Variants in GXYLT2 observed in about 807,000 individuals in gnomAD.
GXYLT2 encodes glycosyltransferase 8 domain containing 4.
Under a neutral mutation model 45.8 loss-of-function variants are expected in GXYLT2, and 53 were observed. The observed-to-expected ratio is 1.16, with a 90% CI of 0.93 to 1.46. GXYLT2 has a LOEUF of 1.46. GXYLT2 is among the 40% of genes most tolerant of loss of function. The probability of loss-of-function intolerance (pLI) is 0.00; values close to 1 mark genes in which losing one functional copy is unlikely to be tolerated. For missense variants in GXYLT2, 551 were observed against 544.4 expected, an observed-to-expected ratio of 1.01 and a Z score of -0.12; for synonymous variants, 219 against 214.2, an observed-to-expected ratio of 1.02 and a Z score of -0.19.
At chr3:72,965,455 T>A (rs1291179865) in intron 5 of GXYLT2, among the ~76,000 whole-genome samples, 1 of 152,198 alleles carries the variant, frequency 6.6e-6, no homozygotes, top group African/African-American at 2.4e-5. Context: ...TTGTGCTCTC[T>A]CACAGGGTCT....
At chr3:72,950,393 A>G (rs13059643) in intron 3 of GXYLT2, among the ~76,000 whole-genome samples, 35,439 of 151,984 alleles carry the variant, frequency 0.23, 4,737 homozygotes, top group South Asian at 0.38. Context: ...CCCAGGAGGC[A>G]GAGGTTGCAG....
chr3:72,949,614 C>T lies in GXYLT2; in HGVS notation c.601-5484C>T, dbSNP rs940936334. Among the ~76,000 whole-genome samples the T allele has an allele frequency of 5.0e-5, 7 of 139,890 alleles. No individual in the cohort carries two copies. The South Asian group carries it at 1.2e-3, about 24-fold the overall frequency. 91.8% of individuals were successfully genotyped at this position (139,890 alleles called of 152,430 possible). ...GCAACCTCCGCCTCCCGGGTTCAGG[C>T]GATTCTCCTGCCTCAGCCTCCGGAG... On this transcript the variant is annotated intron_variant, in intron 3 of 6. Transcript: ENST00000389617.
intron 2 of GXYLT2, among the ~76,000 whole-genome samples, chr3:72,912,175 A>G (rs866226596): frequency 4.0e-5 from 6 of 151,450 alleles, no homozygotes; most frequent in African/African-American, 1.5e-4. Flanking sequence ...ACGCCCGGCT[A>G]ATTTTTGTAT....
chr3:72,975,149 A>ATG lies in GXYLT2; in HGVS notation c.1322_1323insTG (p.Gln441HisfsTer14). On this transcript the variant is annotated frameshift_variant, in exon 7 of 7. Coordinates refer to ENST00000389617, the MANE Select transcript of GXYLT2 (RefSeq NM_001080393.2). LOFTEE classifies it high-confidence loss of function. ...GTCATCATCCATGTTGGCCCCAACC[A>ATG]GATGCACTGAATATTTTGTCTTGTT... 6.2e-7 allele frequency: 1 copy of ATG among 1,611,144 alleles called. No homozygotes were observed. The highest frequency in any genetic ancestry group is 1.1e-5 in the South Asian group (1 of 90,696).
chr3:72,908,842 ATCC>A (rs1447893558), intron 2 of GXYLT2, among the ~76,000 whole-genome samples: 3 of 152,022 alleles, frequency 2.0e-5, no homozygotes, highest in African/African-American at 7.2e-5. Flanking sequence ...GGCTCAAGTG[ATCC>A]TCCCGCCTTA....
In GXYLT2 at chr3:72,955,305, G is replaced by A. The variant is rs1368142107; in HGVS notation, c.808G>A (p.Val270Ile). 4 of 1,613,936 alleles carry A rather than the reference G, an allele frequency of 2.5e-6. No individual in the cohort carries two copies. In the Admixed American group the frequency reaches 6.7e-5, roughly 27 times the overall value. ...TGGCTCTGCAGGAGTTAATTCAGGA[G>A]TCATGTTAATGAATTTAACTCGGAT... ...FYGSAGVNSG[V>I]MLMNLTRIRS... is the part of the protein sequence containing the mutation. The change falls in exon 4 of 7, where the codon GTC becomes ATC. Residue 270 changes from valine (V) to isoleucine (I), a missense_variant. Coordinates refer to ENST00000389617, the MANE Select transcript of GXYLT2 (RefSeq NM_001080393.2).
chr3:72,904,407 A>G (rs1709465640), intron 1 of GXYLT2, among the ~76,000 whole-genome samples: 1 of 152,220 alleles, frequency 6.6e-6, no homozygotes, highest in African/African-American at 2.4e-5. Context: ...TTTTTCATGT[A>G]ATGTGAGAAG....
intron 3 of GXYLT2, among the ~76,000 whole-genome samples, chr3:72,941,230 C>T (rs1303918411): frequency 2.0e-5 from 3 of 152,182 alleles, no homozygotes; most frequent in African/African-American, 7.2e-5. Flanking sequence ...GTTTACTCAT[C>T]TCCCTGCTAC....
intron 1 of GXYLT2, among the ~76,000 whole-genome samples, chr3:72,900,998 C>A (rs1575776972): frequency 6.6e-6 from 1 of 151,188 alleles, no homozygotes; most frequent in Non-Finnish European, 1.5e-5. Context: ...ACTAAAAATA[C>A]AAAAAATTGG....
At chr3:72,914,795 C>T (rs2107090107) in intron 2 of GXYLT2, among the ~76,000 whole-genome samples, 2 of 152,240 alleles carry the variant, frequency 1.3e-5, no homozygotes, top group South Asian at 4.1e-4. Flanking sequence ...CTGTCTCAAG[C>T]TGGATCAGGG....
At chr3:72,927,855 A>C (rs188716394) in intron 3 of GXYLT2, among the ~76,000 whole-genome samples, 2 of 152,330 alleles carry the variant, frequency 1.3e-5, no homozygotes, top group Admixed American at 1.3e-4. Context: ...ACACTATTAA[A>C]AGTTTGACAT....
At chr3:72,888,744 G>A (rs936652277) in intron 1 of GXYLT2, among the ~76,000 whole-genome samples, 2 of 152,154 alleles carry the variant, frequency 1.3e-5, no homozygotes, top group East Asian at 3.9e-4. Context: ...AAGTGGTTTC[G>A]TACATTACAT....
intron 6 of GXYLT2, among the ~76,000 whole-genome samples, chr3:72,970,671 C>T (rs13065069): frequency 0.075 from 11,355 of 151,958 alleles, 457 homozygotes; most frequent in South Asian, 0.11. Context: ...ACCAGCCTGA[C>T]CAACATGGAG....
At chr3:72,946,710 T>C (rs1710418529) in intron 3 of GXYLT2, among the ~76,000 whole-genome samples, 1 of 152,234 alleles carries the variant, frequency 6.6e-6, no homozygotes, top group Non-Finnish European at 1.5e-5. Flanking sequence ...ACTCTACCTC[T>C]TAATACCATC....
chr3:72,937,036 A>G (rs1158271219), intron 3 of GXYLT2, among the ~76,000 whole-genome samples: 2 of 152,156 alleles, frequency 1.3e-5, no homozygotes, highest in African/African-American at 4.8e-5. Flanking sequence ...ATGGTGGAGG[A>G]CATAGAGGAA....
intron 1 of GXYLT2, among the ~76,000 whole-genome samples, chr3:72,906,436 C>T (rs1007455876): frequency 1.3e-5 from 2 of 152,138 alleles, no homozygotes; most frequent in African/African-American, 4.8e-5. Flanking sequence ...GCCAGCCACT[C>T]CTGGCACCCC....
chr3:72,893,200 G>T (rs1300352345), intron 1 of GXYLT2, among the ~76,000 whole-genome samples: 1 of 152,114 alleles, frequency 6.6e-6, no homozygotes, highest in African/African-American at 2.4e-5. Context: ...TGTGGCCTTT[G>T]AGCCCTTGCC....
At chr3:72,952,704 C>A (rs1318844383) in intron 3 of GXYLT2, among the ~76,000 whole-genome samples, 1 of 152,052 alleles carries the variant, frequency 6.6e-6, no homozygotes, top group Non-Finnish European at 1.5e-5. Flanking sequence ...CTCCCTCTGT[C>A]CTCACATGGC....
At chr3:72,892,626 A>C (rs1269908261) in intron 1 of GXYLT2, among the ~76,000 whole-genome samples, 1 of 152,170 alleles carries the variant, frequency 6.6e-6, no homozygotes, top group African/African-American at 2.4e-5. Flanking sequence ...TCTCATCAAG[A>C]GGCACCATTT....
Sources: gnomAD v4.1 joint callset for allele counts (sites outside exome capture counted in the v4.1 genomes callset) on GRCh38, gnomAD v4.1.1 for gene constraint, MANE v1.5 for transcripts, NCBI Gene and HGNC (gene_info 2026-07-23, HGNC 2026-07-21) for gene names.